FKTN: variants seen among roughly 807,000 people sequenced by gnomAD.
FKTN encodes fukutin, also known as ribitol-5-phosphate transferase FKTN.
A neutral mutation model predicts 58.6 loss-of-function variants in FKTN; 47 were observed. The observed-to-expected ratio is 0.80, with a 90% CI of 0.63 to 1.02. The LOEUF (loss-of-function observed/expected upper bound fraction) is 1.02. Ranked by LOEUF, FKTN falls within the 50% of genes least tolerant of loss-of-function variation. The pLI, the probability that FKTN is intolerant of heterozygous loss-of-function variation, is 0.00. For synonymous variants in FKTN, 178 were observed against 191.9 expected (o/e 0.93, Z 0.60); for missense variants, 516 against 537.3 (o/e 0.96, Z 0.39).
intron 1 of FKTN, among the ~76,000 whole-genome samples, 181 bp downstream of exon 1, chr9:105,558,346 C>A (rs1274070462): frequency 6.6e-6 from 1 of 152,128 alleles, no homozygotes; most frequent in African/African-American, 2.4e-5. Context: ...CTCAGTCAGT[C>A]CACGAGCATC....
rs114346910 is a variant in FKTN, at chr9:105,569,555, A to G, written c.-180-4100A>G. Among the ~76,000 whole-genome samples the G allele has an allele frequency of 8.3e-3, 1,270 of 152,254 alleles. 20 individuals carry two copies. Among genetic ancestry groups the G allele is most frequent in the African/African-American group, 0.029 (1,213 of 41,514 alleles). On this transcript the variant is annotated intron_variant, in intron 1 of 10. Transcript: ENST00000357998. ...GGGTCTAGCTGCCCCAAAGACTGAG[A>G]GGATTGTTAACTCTGACACCTATAA...
chr9:105,627,205 C>G (rs1338058624), intron 10 of FKTN, among the ~76,000 whole-genome samples: 1 of 152,128 alleles, frequency 6.6e-6, no homozygotes, highest in Non-Finnish European at 1.5e-5. Flanking sequence ...CCCCTGACCT[C>G]AAGTAATCTG....
At chr9:105,614,903 T>G (rs1263295320) in intron 7 of FKTN, among the ~76,000 whole-genome samples, 1 of 152,024 alleles carries the variant, frequency 6.6e-6, no homozygotes, top group Non-Finnish European at 1.5e-5. Flanking sequence ...TTTTCTTTTT[T>G]GAGACAGTCT....
At chr9:105,571,798 C>G (rs770544113) in intron 1 of FKTN, among the ~76,000 whole-genome samples, 53 of 152,298 alleles carry the variant, frequency 3.5e-4, no homozygotes, top group Non-Finnish European at 6.2e-4. Flanking sequence ...CTGCCCTCAT[C>G]AGAGTATAGG....
chr9:105,612,057 T>A (rs1230594212), intron 7 of FKTN, among the ~76,000 whole-genome samples: 2 of 151,992 alleles, frequency 1.3e-5, no homozygotes, highest in African/African-American at 2.4e-5. Context: ...AGTTTTTTTT[T>A]ACTTGTTATA....
intron 8 of FKTN, 127 bp downstream of exon 8, chr9:105,615,534 A>G (rs935609632): frequency 1.9e-5 from 16 of 861,778 alleles, no homozygotes; most frequent in Non-Finnish European, 3.2e-5. Context: ...AATAAACATG[A>G]GTGCATGCAG....
intron 3 of FKTN, among the ~76,000 whole-genome samples, chr9:105,577,200 T>C (rs1321714370): frequency 4.0e-5 from 6 of 150,988 alleles, no homozygotes; most frequent in Non-Finnish European, 5.9e-5. Flanking sequence ...ATTTTGTCTT[T>C]TGTTGCTATT....
chr9:105,593,447 G>C (rs775521064), intron 3 of FKTN, among the ~76,000 whole-genome samples: 13 of 152,194 alleles, frequency 8.5e-5, no homozygotes, highest in Non-Finnish European at 1.6e-4. Flanking sequence ...AGCACATCAG[G>C]TGCCTATTTG....
In FKTN at chr9:105,637,205, A is replaced by G; in HGVS notation, c.*1941A>G. 1 of 983,744 alleles carries G rather than the reference A, an allele frequency of 1.0e-6. No homozygotes were observed. The highest frequency in any genetic ancestry group is 1.2e-6 in the Non-Finnish European group (1 of 828,162). 60.9% of individuals were successfully genotyped at this position (983,744 alleles called of 1,614,324 possible). A position where few individuals can be genotyped will look rare whatever the true frequency, so the allele number is the denominator to read the frequency against. On this transcript the variant is annotated 3_prime_UTR_variant, in exon 11 of 11. Transcript: ENST00000357998. Reference sequence around the variant, plus strand: ...GCTTGTGCTCAGTATTTAGAAATGCATACACTCCACATTTCTCCCCATTTC... The same window carrying G: ...GCTTGTGCTCAGTATTTAGAAATGCGTACACTCCACATTTCTCCCCATTTC...
intron 10 of FKTN, among the ~76,000 whole-genome samples, chr9:105,620,817 G>GTAA (rs1564334004): frequency 2.7e-5 from 4 of 150,600 alleles, no homozygotes; most frequent in African/African-American, 9.8e-5. Context: ...AGTAGTAGTA[G>GTAA]TAGTAAAGAA....
Position 105,604,278 on chromosome 9 carries a change from C to A in FKTN, c.433C>A (p.Pro145Thr), listed in dbSNP as rs776820422. 6.2e-7 allele frequency: 1 copy of A among 1,613,310 alleles called. No individual in the cohort carries two copies. Among genetic ancestry groups the A allele is most frequent in the Non-Finnish European group, 8.5e-7 (1 of 1,179,870 alleles). ...FQCLKIESKDPRLDGIDSLSG... is the reference protein window; with the variant it reads ...FQCLKIESKDTRLDGIDSLSG... ...GTGCCTAAAGATTGAGAGTAAAGAT[C>A]CCCGGCTAGACGGGATAGACTCACT... The change falls in exon 6 of 11, where the codon CCC becomes ACC. Residue 145 changes from proline (P) to threonine (T), a missense_variant. Pro to Thr is a conservative substitution (Grantham distance 38, BLOSUM62 -1). Transcript: ENST00000357998.
intron 3 of FKTN, among the ~76,000 whole-genome samples, chr9:105,582,557 C>G (rs1843195317): frequency 6.6e-6 from 1 of 152,166 alleles, no homozygotes; most frequent in Non-Finnish European, 1.5e-5. Flanking sequence ...CACCCAATAT[C>G]TAATGTGTAT....
At chr9:105,584,456 GT>G (rs2132301471) in intron 3 of FKTN, among the ~76,000 whole-genome samples, 1 of 151,686 alleles carries the variant, frequency 6.6e-6, no homozygotes, top group East Asian at 1.9e-4. Context: ...TGTTTTTTAT[GT>G]TTACTTTTGA....
intron 3 of FKTN, among the ~76,000 whole-genome samples, chr9:105,576,172 T>C (rs956824969): frequency 2.7e-5 from 4 of 149,658 alleles, no homozygotes; most frequent in African/African-American, 1.0e-4. Flanking sequence ...AATTAATTTA[T>C]TTTTTTTATT....
chr9:105,579,185 A>G (rs1214753362), intron 3 of FKTN, among the ~76,000 whole-genome samples: 1 of 151,870 alleles, frequency 6.6e-6, no homozygotes, highest in Non-Finnish European at 1.5e-5. Context: ...CTCTGATCTT[A>G]GTTATTTCTT....
Position 105,636,355 on chromosome 9 carries a change from T to C in FKTN, c.*1091T>C. 1.0e-6 allele frequency: 1 copy of C among 983,586 alleles called. No homozygotes were observed. The highest frequency in any genetic ancestry group is 1.2e-6 in the Non-Finnish European group (1 of 828,126). The allele number at this position is 983,586 out of a possible 1,614,324, so 60.9% of individuals were successfully genotyped here. A position where few individuals can be genotyped will look rare whatever the true frequency, so the allele number is the denominator to read the frequency against. On this transcript the variant is annotated 3_prime_UTR_variant, in exon 11 of 11. Transcript: ENST00000357998. ...CTGTTTCTTCTCCTCTTCTAATATATCAGATCTCCAAAATGGAAGCTAAAT... is the reference window on the plus strand; with the variant it reads ...CTGTTTCTTCTCCTCTTCTAATATACCAGATCTCCAAAATGGAAGCTAAAT...
At chr9:105,558,765 T>C (rs1041461589) in intron 1 of FKTN, among the ~76,000 whole-genome samples, 3 of 152,100 alleles carry the variant, frequency 2.0e-5, no homozygotes, top group Non-Finnish European at 4.4e-5. Context: ...ATATTAGAAA[T>C]TGGGCAGATG....
intron 3 of FKTN, among the ~76,000 whole-genome samples, chr9:105,596,352 A>C (rs1479616412): frequency 6.6e-6 from 1 of 152,216 alleles, no homozygotes; most frequent in Non-Finnish European, 1.5e-5. Context: ...AGAGATGTTG[A>C]CCATGTCTAC....
At chr9:105,566,959 G>T (rs1452400334) in intron 1 of FKTN, among the ~76,000 whole-genome samples, 1 of 152,140 alleles carries the variant, frequency 6.6e-6, no homozygotes, top group African/African-American at 2.4e-5. Context: ...GATCAAGTGG[G>T]CTTCATCCCC....
Sources: allele counts gnomAD v4.1 joint callset (sites outside exome capture counted in the v4.1 genomes callset), GRCh38; gene constraint gnomAD v4.1.1; transcripts MANE v1.5; gene names NCBI Gene and HGNC (gene_info 2026-07-23, HGNC 2026-07-21).